The following UBR3 variants were observed in gnomAD, a reference collection of about 807,000 sequenced individuals.
UBR3 encodes the protein ubiquitin protein ligase E3 component n-recognin 3, also known as E3 ubiquitin-protein ligase UBR3.
In UBR3, 85 loss-of-function variants were observed where a neutral mutation model predicts 243.2. The ratio of observed to expected loss-of-function variants is 0.35; its 90% CI spans 0.29 to 0.42. The LOEUF (loss-of-function observed/expected upper bound fraction) is 0.42. Among genes scored for constraint, UBR3 ranks in the 10% least tolerant of loss-of-function variants. The pLI, the probability that UBR3 is intolerant of heterozygous loss-of-function variation, is 1.00. For synonymous variants in UBR3, 748 were observed against 799.8 expected, an observed-to-expected ratio of 0.94 and a Z score of 1.09; for missense variants, 1,686 against 2,300.8, an observed-to-expected ratio of 0.73 and a Z score of 5.47.
At chr2:169,892,747 G>T (rs1559066745) in intron 6 of UBR3, among the ~76,000 whole-genome samples, 1 of 152,162 alleles carries the variant, frequency 6.6e-6, no homozygotes, top group African/African-American at 2.4e-5. Flanking sequence ...CTTGAAAAGT[G>T]CACTGAAAAG....
At chr2:169,926,640 G>C (rs1336135247) in intron 14 of UBR3, 52 bp from the exon 15 acceptor site, 2 of 1,466,594 alleles carry the variant, frequency 1.4e-6, no homozygotes, top group African/African-American at 2.9e-5. Flanking sequence ...ATGATTAATA[G>C]AAGAAGGAAA....
At chr2:169,970,179 T>C (rs2088044786) in intron 24 of UBR3, among the ~76,000 whole-genome samples, 1 of 151,310 alleles carries the variant, frequency 6.6e-6, no homozygotes, top group Admixed American at 6.6e-5. Context: ...CTTTCATCAG[T>C]GTTTTATAGT....
At chr2:170,003,715 A>G (rs2089799260) in intron 27 of UBR3, among the ~76,000 whole-genome samples, 1 of 151,110 alleles carries the variant, frequency 6.6e-6, no homozygotes, top group Non-Finnish European at 1.5e-5. Context: ...ATCTCGGCTC[A>G]CTGCAAGCTC....
chr2:170,039,161 T>G (rs1474087229), intron 31 of UBR3, among the ~76,000 whole-genome samples: 1 of 152,122 alleles, frequency 6.6e-6, no homozygotes, highest in Non-Finnish European at 1.5e-5. Context: ...TGAAGAAGAC[T>G]AAAGTGGAGT....
At chr2:169,946,105 A>T (rs1213547923) in intron 20 of UBR3, among the ~76,000 whole-genome samples, 183 bp from the exon 21 acceptor site, 2 of 152,074 alleles carry the variant, frequency 1.3e-5, no homozygotes, top group Non-Finnish European at 2.9e-5. Context: ...TTATTTTATT[A>T]AATACTTATA....
At chr2:169,967,559 T>G (rs2087880719) in intron 24 of UBR3, among the ~76,000 whole-genome samples, 1 of 152,056 alleles carries the variant, frequency 6.6e-6, no homozygotes, top group South Asian at 2.1e-4. Flanking sequence ...GAAGGAGTGA[T>G]TTTTGTCAAC....
intron 33 of UBR3, among the ~76,000 whole-genome samples, chr2:170,060,495 G>A (rs1210456336): frequency 2.0e-5 from 3 of 151,876 alleles, no homozygotes; most frequent in Non-Finnish European, 2.9e-5. Flanking sequence ...AAAAAAATTT[G>A]TGGTCTATAT....
intron 29 of UBR3, chr2:170,013,772 C>G: frequency 3.5e-6 from 1 of 283,884 alleles, no homozygotes. Flanking sequence ...CTGGTTAGCT[C>G]TCTTAAAAGT....
Position 169,947,650 on chromosome 2 carries a change from A to G in UBR3, c.3019A>G (p.Thr1007Ala), listed in dbSNP as rs772055921. The G allele has an allele frequency of 1.9e-6, 3 of 1,541,460 alleles. No homozygotes were observed. Among genetic ancestry groups the G allele is most frequent in the African/African-American group, 1.4e-5 (1 of 72,558 alleles). ...INYVRVRVPETAPEVKRDSPA... is the reference protein window; with the variant it reads ...INYVRVRVPEAAPEVKRDSPA... ...CTATGTTAGAGTAAGAGTTCCAGAG[A>G]CTGCTCCTGAAGTAAAGAGAGACTC... is the stretch of plus-strand genomic sequence containing the variant. The change falls in exon 22 of 39, where the codon ACT (threonine) becomes GCT (alanine). Residue 1007 changes from threonine (T) to alanine (A), a missense_variant. Physicochemically the swap from Thr to Ala is moderately conservative, Grantham distance 58 (BLOSUM62 0). Transcript: ENST00000272793.
chr2:169,904,235 T>G (rs76697031), intron 8 of UBR3, among the ~76,000 whole-genome samples: 4,092 of 152,328 alleles, frequency 0.027, 180 homozygotes, highest in African/African-American at 0.093. Flanking sequence ...CATATACTTT[T>G]GATCTAAATT....
chr2:169,886,171 A>G (rs2084090168), intron 5 of UBR3, among the ~76,000 whole-genome samples: 1 of 151,970 alleles, frequency 6.6e-6, no homozygotes. Flanking sequence ...AAAAAAAAAA[A>G]AAGTTAATTT....
intron 29 of UBR3, among the ~76,000 whole-genome samples, chr2:170,012,956 T>C (rs1223502776): frequency 6.6e-6 from 1 of 152,184 alleles, no homozygotes; most frequent in Non-Finnish European, 1.5e-5. Flanking sequence ...TGTGCACATC[T>C]AGGTGGCCAC....
chr2:169,874,509 A>G lies in UBR3; in HGVS notation c.686-1282A>G, dbSNP rs147114105. 5.6e-3 allele frequency among the ~76,000 whole-genome samples: 850 copies of G among 152,270 alleles called. 7 individuals are homozygous for G. Among genetic ancestry groups the G allele is most frequent in the African/African-American group, 0.019 (802 of 41,540 alleles). On this transcript the variant is annotated intron_variant, in intron 2 of 38. Coordinates refer to ENST00000272793, the MANE Select transcript of UBR3 (RefSeq NM_172070.4). ...TGTGTAGAGATTACTGTTTAAAATT[A>G]AAGAAATTAAAGAAAGGTCTTGCAA...
intron 31 of UBR3, among the ~76,000 whole-genome samples, chr2:170,035,997 C>T (rs1287622463): frequency 6.7e-6 from 1 of 149,968 alleles, no homozygotes; most frequent in South Asian, 2.1e-4. Context: ...AAGTGATTGA[C>T]TTCTGTATAT....
At chr2:169,985,762 A>G (rs959209121) in intron 24 of UBR3, among the ~76,000 whole-genome samples, 5 of 152,110 alleles carry the variant, frequency 3.3e-5, no homozygotes, top group Non-Finnish European at 5.9e-5. Context: ...CCTCTCAGTC[A>G]TTCTTCATAA....
intron 13 of UBR3, among the ~76,000 whole-genome samples, chr2:169,924,422 T>C (rs987773215): frequency 7.9e-5 from 12 of 152,220 alleles, no homozygotes; most frequent in Non-Finnish European, 1.8e-4. Context: ...ACATACTATA[T>C]AGCACTGTTT....
intron 3 of UBR3, among the ~76,000 whole-genome samples, 158 bp from the exon 4 acceptor site, chr2:169,877,336 A>G (rs2105313714): frequency 6.6e-6 from 1 of 152,342 alleles, no homozygotes; most frequent in East Asian, 1.9e-4. Flanking sequence ...TGCTAAACAT[A>G]AGCACAAAAG....
chr2:169,974,441 A>G (rs1574319766), intron 24 of UBR3, among the ~76,000 whole-genome samples: 2 of 151,986 alleles, frequency 1.3e-5, no homozygotes, highest in Non-Finnish European at 2.9e-5. Context: ...AGGTTTTCCA[A>G]TTGGTTGGCA....
At chr2:169,954,549 A>G (rs2087185637) in intron 23 of UBR3, among the ~76,000 whole-genome samples, 1 of 149,154 alleles carries the variant, frequency 6.7e-6, no homozygotes, top group African/African-American at 2.5e-5. Flanking sequence ...AGCCCCCAAT[A>G]ATATTTCTTT....
Sources: gnomAD v4.1 joint callset for allele counts (sites outside exome capture counted in the v4.1 genomes callset) on GRCh38, gnomAD v4.1.1 for gene constraint, MANE v1.5 for transcripts, NCBI Gene and HGNC (gene_info 2026-07-23, HGNC 2026-07-21) for gene names.